Variants in YES1 observed in about 807,000 individuals in gnomAD.
The protein encoded by YES1 is YES proto-oncogene 1, Src family tyrosine kinase.
A neutral mutation model predicts 70.4 loss-of-function variants in YES1; 39 were observed. The ratio of observed to expected loss-of-function variants is 0.55; its 90% confidence interval spans 0.43 to 0.72. The LOEUF (loss-of-function observed/expected upper bound fraction) is 0.72, where lower values mean the gene tolerates loss of function less well. Ranked by LOEUF, YES1 falls within the 30% of genes least tolerant of loss-of-function variation. YES1 has a pLI of 0.00. For missense variants in YES1, 495 were observed against 644.8 expected (o/e 0.77, Z 2.52); for synonymous variants, 198 against 218.6 (o/e 0.91, Z 0.83).
intron 1 of YES1, among the ~76,000 whole-genome samples, chr18:757,382 A>G (rs1253390538): frequency 2.0e-5 from 3 of 152,006 alleles, no homozygotes; most frequent in East Asian, 1.9e-4. Context: ...GGGCGCCTGT[A>G]GTCCCAGCTA....
chr18:753,524 T>A (rs1302729079), intron 2 of YES1, among the ~76,000 whole-genome samples: 8 of 152,188 alleles, frequency 5.3e-5, no homozygotes, highest in Admixed American at 5.2e-4. Context: ...TCTTGCTCTG[T>A]TGCCCAGGCT....
intron 11 of YES1, among the ~76,000 whole-genome samples, chr18:726,504 G>C (rs1303928123): frequency 6.6e-6 from 1 of 151,774 alleles, no homozygotes; most frequent in South Asian, 2.1e-4. Context: ...ATGCCAGCTG[G>C]GCATGGTGGT....
Position 724,326 on chromosome 18 carries a change from C to A in YES1, c.*98G>T. The A allele has an allele frequency of 8.5e-7, 1 of 1,173,090 alleles. No individual in the cohort carries two copies. The highest frequency in any genetic ancestry group is 1.2e-6 in the Non-Finnish European group (1 of 837,810). The allele number at this position is 1,173,090 out of a possible 1,614,324, so 72.7% of individuals were successfully genotyped here. ...ATTCCAGTTTACCATTAAAAACATG[C>A]AGAGTAAAGAAGATTTTCTTCTTTT... On this transcript the variant is annotated 3_prime_UTR_variant, in exon 12 of 12. Coordinates refer to ENST00000314574, the MANE Select transcript of YES1 (RefSeq NM_005433.4).
intron 1 of YES1, among the ~76,000 whole-genome samples, chr18:807,554 C>T (rs1907162802): frequency 6.6e-6 from 1 of 152,160 alleles, no homozygotes; most frequent in African/African-American, 2.4e-5. Context: ...ATTTGCTTGG[C>T]ATATTTATAA....
intron 3 of YES1, among the ~76,000 whole-genome samples, chr18:749,853 C>T (rs1158338699): frequency 4.7e-5 from 6 of 127,558 alleles, no homozygotes; most frequent in African/African-American, 1.2e-4. Flanking sequence ...AGCAAGACTC[C>T]GTCTCAAAAA....
intron 9 of YES1, among the ~76,000 whole-genome samples, chr18:737,900 T>G (rs1196730703): frequency 6.6e-6 from 1 of 152,098 alleles, no homozygotes; most frequent in African/African-American, 2.4e-5. Context: ...TGTATTTTTT[T>G]GTAGAGATGG....
rs145578463 is a variant in YES1, at chr18:725,870, C to T, written c.1424-1238G>A. 3.6e-3 allele frequency among the ~76,000 whole-genome samples: 553 copies of T among 151,704 alleles called. 5 individuals are homozygous for T. Among genetic ancestry groups the T allele is most frequent in the African/African-American group, 0.013 (521 of 41,396 alleles). On this transcript the variant is annotated intron_variant, in intron 11 of 11. Transcript: ENST00000314574. Reference sequence around the variant, plus strand: ...TAGCACTCCAGCCTGGGTGACAGAGCGAGACTCCATCTCGCGGGGTGGGGA... The same window carrying T: ...TAGCACTCCAGCCTGGGTGACAGAGTGAGACTCCATCTCGCGGGGTGGGGA...
At chr18:747,406 T>C (rs534221922) in intron 4 of YES1, among the ~76,000 whole-genome samples, 1 of 152,126 alleles carries the variant, frequency 6.6e-6, no homozygotes, top group African/African-American at 2.4e-5. Context: ...GAGGTAGAGG[T>C]TGCAGTGAGC....
At chr18:726,051 A>G (rs1331371023) in intron 11 of YES1, among the ~76,000 whole-genome samples, 1 of 152,036 alleles carries the variant, frequency 6.6e-6, no homozygotes, top group East Asian at 1.9e-4. Context: ...TATTATTTTA[A>G]TTGACTGTTA....
intron 1 of YES1, among the ~76,000 whole-genome samples, chr18:781,455 A>T (rs374537803): frequency 4.1e-4 from 62 of 152,208 alleles, no homozygotes; most frequent in African/African-American, 1.4e-3. Context: ...ACGTTCAAGG[A>T]ATCTTCCTTG....
At chr18:765,732 G>A (rs918118804) in intron 1 of YES1, among the ~76,000 whole-genome samples, 1 of 152,048 alleles carries the variant, frequency 6.6e-6, no homozygotes, top group East Asian at 1.9e-4. Context: ...TAAAATAAGT[G>A]GGAATAAACA....
At chr18:757,489 C>T (rs555136322) in intron 1 of YES1, among the ~76,000 whole-genome samples, 14 of 124,312 alleles carry the variant, frequency 1.1e-4, no homozygotes, top group East Asian at 4.8e-4. Context: ...GGCGACAGAG[C>T]GAGACTCCGT....
At chr18:743,969 A>C (rs1228357541) in intron 6 of YES1, among the ~76,000 whole-genome samples, 3 of 149,496 alleles carry the variant, frequency 2.0e-5, no homozygotes, top group African/African-American at 7.3e-5. Flanking sequence ...GTATATACTA[A>C]TATATAGTAA....
chr18:728,297 A>C (rs1337160438), intron 11 of YES1, among the ~76,000 whole-genome samples: 1 of 149,020 alleles, frequency 6.7e-6, no homozygotes, highest in African/African-American at 2.5e-5. Context: ...ACTGCACTCC[A>C]GCCTGGGTGA....
chr18:733,510 G>A lies in YES1; in HGVS notation c.1292-545C>T, dbSNP rs563723100. On this transcript the variant is annotated intron_variant, in intron 10 of 11. Coordinates refer to ENST00000314574, the MANE Select transcript of YES1 (RefSeq NM_005433.4). ...TAAAAAGCATGGCTTTCGGCCGGGC[G>A]CGGTGGCTCAAGCCTGTAATCCCAG... 5.5e-4 allele frequency among the ~76,000 whole-genome samples: 83 copies of A among 151,396 alleles called. 1 individual carries two copies. Among genetic ancestry groups the A allele is most frequent in the African/African-American group, 1.4e-3 (59 of 41,252 alleles).
chr18:746,140 T>C lies in YES1; in HGVS notation c.471-89A>G, dbSNP rs2080278718. On this transcript the variant is annotated intron_variant, in intron 4 of 11. Coordinates refer to ENST00000314574, the MANE Select transcript of YES1 (RefSeq NM_005433.4). ...TCAGTAAGAATGGACTGGGATAGGT[T>C]TGGACGACAAAGAATAGCTAGAGAA... 2.2e-6 allele frequency: 2 copies of C among 912,506 alleles called. No homozygotes were observed. The highest frequency in any genetic ancestry group is 1.7e-5 in the African/African-American group (1 of 59,726). 56.5% of individuals were successfully genotyped at this position (912,506 alleles called of 1,614,324 possible).
At chr18:731,002 A>C (rs1317705633) in intron 11 of YES1, among the ~76,000 whole-genome samples, 2 of 152,168 alleles carry the variant, frequency 1.3e-5, no homozygotes, top group Non-Finnish European at 2.9e-5. Flanking sequence ...GAATTTAAGG[A>C]GTAGAATTGT....
intron 2 of YES1, among the ~76,000 whole-genome samples, chr18:755,544 G>A (rs1445775015): frequency 1.3e-5 from 2 of 152,126 alleles, no homozygotes; most frequent in African/African-American, 4.8e-5. Flanking sequence ...GAGCCACTGC[G>A]CCTGGCCTGG....
In YES1 at chr18:724,586, C is replaced by T; in HGVS notation, c.1470G>A (p.Arg490=). 7 of 1,614,146 alleles carry T rather than the reference C, an allele frequency of 4.3e-6. No individual in the cohort carries two copies. Among genetic ancestry groups the T allele is most frequent in the Non-Finnish European group, 5.9e-6 (7 of 1,180,006 alleles). Residue 490 remains arginine (R), a synonymous_variant, in exon 12 of 12, where the codon AGG becomes AGA. Coordinates refer to ENST00000314574, the MANE Select transcript of YES1 (RefSeq NM_005433.4). ...EVLEQVERGY[R]MPCPQGCPES... ...CTGGACAGCCCTGAGGGCACGGCAT[C>T]CTGTATCCTCGCTCCACTTGTTCTA...
Sources: allele counts gnomAD v4.1 joint callset (sites outside exome capture counted in the v4.1 genomes callset), GRCh38; gene constraint gnomAD v4.1.1; transcripts MANE v1.5; gene names NCBI Gene and HGNC (gene_info 2026-07-23, HGNC 2026-07-21).